The following CAMK2D variants were observed in gnomAD, a reference collection of about 807,000 sequenced individuals.
CAMK2D encodes the protein calcium/calmodulin dependent protein kinase II delta, also known as calcium/calmodulin-dependent protein kinase type II subunit delta.
Under a neutral mutation model 84.0 loss-of-function variants are expected in CAMK2D, and 37 were observed. That is an observed-to-expected ratio of 0.44 (90% CI 0.34 to 0.58). CAMK2D has a LOEUF of 0.58. CAMK2D is among the 20% of genes least tolerant of loss of function. The probability of loss-of-function intolerance (pLI) is 0.02; values close to 1 mark genes in which losing one functional copy is unlikely to be tolerated. For synonymous variants in CAMK2D, 202 were observed against 212.5 expected (o/e 0.95, Z 0.43); for missense variants, 448 against 652.5 (o/e 0.69, Z 3.41).
chr4:113,704,206 C>G (rs1233090604), intron 2 of CAMK2D, among the ~76,000 whole-genome samples: 2 of 151,808 alleles, frequency 1.3e-5, no homozygotes, highest in African/African-American at 4.8e-5. Context: ...CTATCAGTTC[C>G]CCTCTCAATA....
intron 2 of CAMK2D, among the ~76,000 whole-genome samples, chr4:113,722,133 G>C (rs2099532421): frequency 6.6e-6 from 1 of 151,806 alleles, no homozygotes; most frequent in South Asian, 2.1e-4. Flanking sequence ...AGAGAGTATA[G>C]AAAAAGTTTT....
At chr4:113,720,062 A>C (rs1305452173) in intron 2 of CAMK2D, among the ~76,000 whole-genome samples, 1 of 152,090 alleles carries the variant, frequency 6.6e-6, no homozygotes, top group East Asian at 1.9e-4. Context: ...CAGAGTTGCA[A>C]ATGTAAAGGC....
chr4:113,466,414 T>C (rs1372892986), intron 16 of CAMK2D, among the ~76,000 whole-genome samples: 1 of 152,206 alleles, frequency 6.6e-6, no homozygotes, highest in Admixed American at 6.5e-5. Flanking sequence ...TAATAATATG[T>C]CTATCTTCAG....
At chr4:113,746,534 A>G (rs1055388107) in intron 2 of CAMK2D, among the ~76,000 whole-genome samples, 2 of 152,120 alleles carry the variant, frequency 1.3e-5, no homozygotes, top group African/African-American at 4.8e-5. Context: ...AATATAAGAC[A>G]GTATATATTT....
At chr4:113,547,996 C>T (rs542326366) in intron 5 of CAMK2D, among the ~76,000 whole-genome samples, 1 of 152,130 alleles carries the variant, frequency 6.6e-6, no homozygotes, top group Non-Finnish European at 1.5e-5. Flanking sequence ...GTTATAAATT[C>T]TTCCAGGAAA....
chr4:113,641,950 C>T (rs1390851667), intron 3 of CAMK2D, among the ~76,000 whole-genome samples: 6 of 151,854 alleles, frequency 4.0e-5, no homozygotes, highest in African/African-American at 9.7e-5. Context: ...GTGGAGGTTG[C>T]GGTGAGTCAA....
chr4:113,554,153 T>C (rs889443997), intron 4 of CAMK2D, among the ~76,000 whole-genome samples: 6 of 152,128 alleles, frequency 3.9e-5, no homozygotes, highest in African/African-American at 1.4e-4. Context: ...ATCACTGGGC[T>C]CTCAACTTAC....
chr4:113,464,333 C>T (rs886363568), intron 17 of CAMK2D, among the ~76,000 whole-genome samples: 1 of 152,152 alleles, frequency 6.6e-6, no homozygotes, highest in Non-Finnish European at 1.5e-5. Context: ...ATCATATTCA[C>T]GCAATATAAA....
intron 2 of CAMK2D, among the ~76,000 whole-genome samples, chr4:113,732,601 T>C (rs1003036454): frequency 3.3e-5 from 5 of 152,172 alleles, no homozygotes; most frequent in African/African-American, 1.2e-4. Context: ...TTTTTACATA[T>C]TTTAATCAGC....
intron 4 of CAMK2D, among the ~76,000 whole-genome samples, chr4:113,607,160 A>T (rs1254251247): frequency 1.3e-5 from 2 of 152,142 alleles, no homozygotes; most frequent in African/African-American, 2.4e-5. Flanking sequence ...ATCATAAAAG[A>T]AGGGACTCAA....
At chr4:113,618,714 A>G (rs1224418795) in intron 3 of CAMK2D, among the ~76,000 whole-genome samples, 1 of 152,182 alleles carries the variant, frequency 6.6e-6, no homozygotes, top group African/African-American at 2.4e-5. Flanking sequence ...TAATACATGC[A>G]AAAGAAGTAC....
At chr4:113,691,595 G>A (rs2099387284) in intron 2 of CAMK2D, among the ~76,000 whole-genome samples, 3 of 151,786 alleles carry the variant, frequency 2.0e-5, no homozygotes, top group African/African-American at 7.3e-5. Flanking sequence ...TCTATGAAAA[G>A]TACAAAAATT....
chr4:113,666,045 C>A (rs1002806109), intron 2 of CAMK2D, among the ~76,000 whole-genome samples: 1 of 152,120 alleles, frequency 6.6e-6, no homozygotes, highest in Admixed American at 6.5e-5. Flanking sequence ...TGAATTCAGA[C>A]CTAATGAAGT....
At chr4:113,517,742 C>A (rs888432640) in intron 8 of CAMK2D, 85 bp from the exon 9 acceptor site, 5 of 675,938 alleles carry the variant, frequency 7.4e-6, no homozygotes, top group African/African-American at 5.3e-5. Context: ...GATATTAAGC[C>A]GTAGTTGTTA....
chr4:113,545,808 A>C (rs1025013888), intron 6 of CAMK2D, among the ~76,000 whole-genome samples: 1 of 152,222 alleles, frequency 6.6e-6, no homozygotes, highest in Non-Finnish European at 1.5e-5. Flanking sequence ...CAGAATCAGA[A>C]TAAGAATGGA....
chr4:113,670,128 A>C (rs1383632378), intron 2 of CAMK2D, among the ~76,000 whole-genome samples: 2 of 152,104 alleles, frequency 1.3e-5, no homozygotes, highest in African/African-American at 4.8e-5. Flanking sequence ...CAAAAAATAC[A>C]AAAAATAGCT....
intron 16 of CAMK2D, among the ~76,000 whole-genome samples, chr4:113,477,737 C>T (rs2097648332): frequency 8.8e-6 from 1 of 113,012 alleles, no homozygotes; most frequent in African/African-American, 3.5e-5. Context: ...CAGAGTGAGA[C>T]TCTGTCTCAA....
chr4:113,688,866 T>C (rs1006417884), intron 2 of CAMK2D, among the ~76,000 whole-genome samples: 4 of 120,852 alleles, frequency 3.3e-5, no homozygotes, highest in African/African-American at 1.3e-4. Flanking sequence ...AAAATGACCA[T>C]TGAAGAAAAA....
chr4:113,725,367 T>C (rs1433123470), intron 2 of CAMK2D, among the ~76,000 whole-genome samples: 3 of 152,094 alleles, frequency 2.0e-5, no homozygotes, highest in Non-Finnish European at 4.4e-5. Context: ...ATCTTTTCAA[T>C]TTCATTTTGT....
Sources: allele counts gnomAD v4.1 joint callset (sites outside exome capture counted in the v4.1 genomes callset), GRCh38; gene constraint gnomAD v4.1.1; transcripts MANE v1.5; gene names NCBI Gene and HGNC (gene_info 2026-07-23, HGNC 2026-07-21).